Variants in EXOC6B observed in about 807,000 individuals in gnomAD.
EXOC6B encodes exocyst complex component 6B, also known as SEC15 homolog B.
Under a neutral mutation model 113.5 loss-of-function variants are expected in EXOC6B, and 54 were observed. The ratio of observed to expected loss-of-function variants is 0.48; its 90% CI spans 0.38 to 0.60. The LOEUF is 0.60. Ranked by LOEUF, EXOC6B falls within the 20% of genes least tolerant of loss-of-function variation. The pLI is 0.00. For synonymous variants in EXOC6B, 357 were observed against 339.0 expected (o/e 1.05, Z -0.58); for missense variants, 797 against 977.5 (o/e 0.82, Z 2.46).
chr2:72,312,017 A>G (rs1175797476), intron 20 of EXOC6B, among the ~76,000 whole-genome samples: 1 of 152,204 alleles, frequency 6.6e-6, no homozygotes, highest in African/African-American at 2.4e-5. Flanking sequence ...CGGTGCTGAT[A>G]CTTGGGGAGT....
chr2:72,643,061 A>C (rs1253374273), intron 6 of EXOC6B, among the ~76,000 whole-genome samples: 1 of 152,162 alleles, frequency 6.6e-6, no homozygotes, highest in Admixed American at 6.5e-5. Context: ...AACCACAATG[A>C]GATACCATCT....
intron 20 of EXOC6B, among the ~76,000 whole-genome samples, chr2:72,330,544 C>T (rs1171416178): frequency 6.6e-6 from 1 of 151,964 alleles, no homozygotes; most frequent in Non-Finnish European, 1.5e-5. Flanking sequence ...ATTTTCTTCC[C>T]TTAACAATGC....
intron 1 of EXOC6B, among the ~76,000 whole-genome samples, chr2:72,805,379 C>T (rs1030826518): frequency 3.3e-5 from 5 of 152,122 alleles, no homozygotes; most frequent in African/African-American, 1.2e-4. Context: ...ATCTGGTGCA[C>T]CTTTGTAGGC....
intron 20 of EXOC6B, among the ~76,000 whole-genome samples, chr2:72,256,799 T>A (rs1375111957): frequency 6.6e-6 from 1 of 152,208 alleles, no homozygotes; most frequent in Non-Finnish European, 1.5e-5. Flanking sequence ...CAGAGCTAGA[T>A]GATTACTGAA....
chr2:72,377,535 A>G (rs929877906), intron 19 of EXOC6B, among the ~76,000 whole-genome samples: 1 of 152,216 alleles, frequency 6.6e-6, no homozygotes, highest in African/African-American at 2.4e-5. Context: ...AGACTTTAAA[A>G]AGATGGAAAT....
Position 72,203,077 on chromosome 2 carries a change from C to G in EXOC6B, c.2197-18890G>C, listed in dbSNP as rs138007184. ...CTTGGTAGAGTATTCAGCATAGTGC[C>G]TGGCACAAACGTTCAGCAAATACTG... On this transcript the variant is annotated intron_variant, in intron 20 of 21. Coordinates refer to ENST00000272427, the MANE Select transcript of EXOC6B (RefSeq NM_015189.3). Among the ~76,000 whole-genome samples, 28 of 152,290 alleles carry G rather than the reference C, an allele frequency of 1.8e-4. No individual in the cohort carries two copies. In the East Asian group the frequency reaches 5.2e-3, roughly 28 times the overall value.
intron 6 of EXOC6B, among the ~76,000 whole-genome samples, chr2:72,699,262 G>A (rs902199313): frequency 1.3e-5 from 2 of 152,086 alleles, no homozygotes; most frequent in Non-Finnish European, 2.9e-5. Context: ...GGTGGATCAC[G>A]AGGTCAGGAG....
intron 17 of EXOC6B, among the ~76,000 whole-genome samples, chr2:72,466,986 A>G (rs1698095985): frequency 2.6e-5 from 4 of 152,116 alleles, no homozygotes; most frequent in Admixed American, 2.0e-4. Flanking sequence ...CTTTGACCAA[A>G]AACTCCCCAG....
intron 20 of EXOC6B, among the ~76,000 whole-genome samples, chr2:72,205,335 C>A (rs1357915789): frequency 6.7e-6 from 1 of 150,258 alleles, no homozygotes; most frequent in Admixed American, 6.6e-5. Flanking sequence ...ACATTTATTT[C>A]TATGATTCAC....
intron 19 of EXOC6B, among the ~76,000 whole-genome samples, chr2:72,344,703 G>A (rs368154934): frequency 3.9e-5 from 6 of 152,156 alleles, no homozygotes; most frequent in African/African-American, 1.4e-4. Context: ...CTGAGCAGAT[G>A]CCTTTCTCTG....
intron 20 of EXOC6B, among the ~76,000 whole-genome samples, chr2:72,212,305 G>A (rs990497484): frequency 1.3e-5 from 2 of 152,102 alleles, no homozygotes; most frequent in African/African-American, 4.8e-5. Flanking sequence ...TAGTTTCTTG[G>A]GGCAGGGCAG....
At chr2:72,260,806 C>T (rs766155140) in intron 20 of EXOC6B, among the ~76,000 whole-genome samples, 8 of 152,124 alleles carry the variant, frequency 5.3e-5, no homozygotes, top group Admixed American at 2.6e-4. Flanking sequence ...AGACTATCCA[C>T]CAAAACCGAG....
chr2:72,298,852 C>T (rs567869860), intron 20 of EXOC6B, among the ~76,000 whole-genome samples: 33 of 152,254 alleles, frequency 2.2e-4, no homozygotes, highest in African/African-American at 6.0e-4. Flanking sequence ...CAGAGAGATC[C>T]GCTGTTAGTC....
intron 14 of EXOC6B, among the ~76,000 whole-genome samples, 190 bp downstream of exon 14, chr2:72,496,264 A>T (rs1700029082): frequency 6.6e-6 from 1 of 152,218 alleles, no homozygotes; most frequent in African/African-American, 2.4e-5. Flanking sequence ...GGTCTTCCCC[A>T]AAAAGAATCC....
rs1199841154 is a variant in EXOC6B, at chr2:72,401,547, G to GTA, written c.1981-21679_1981-21678dup. Among the ~76,000 whole-genome samples the GTA allele has an allele frequency of 4.2e-3, 87 of 20,604 alleles. 5 individuals carry two copies. The highest frequency in any genetic ancestry group is 8.5e-3 in the South Asian group (7 of 820). 13.5% of individuals were successfully genotyped at this position (20,604 alleles called of 152,430 possible). On this transcript the variant is annotated intron_variant, in intron 18 of 21. Coordinates refer to ENST00000272427, the MANE Select transcript of EXOC6B (RefSeq NM_015189.3). ...TACATATATATATATATATATATGT[G>GTA]TATATATATATATATATACATATAT...
chr2:72,756,415 A>G (rs1426338480), intron 1 of EXOC6B, among the ~76,000 whole-genome samples: 1 of 152,196 alleles, frequency 6.6e-6, no homozygotes, highest in African/African-American at 2.4e-5. Flanking sequence ...GTTGTGATAT[A>G]TATTTCTGAG....
intron 19 of EXOC6B, among the ~76,000 whole-genome samples, chr2:72,336,755 C>A (rs1252481213): frequency 1.3e-5 from 2 of 151,948 alleles, no homozygotes; most frequent in Non-Finnish European, 1.5e-5. Context: ...GCCTGTAATC[C>A]CAGCACTTTG....
chr2:72,514,950 C>T, intron 9 of EXOC6B, 93 bp downstream of exon 9: 6 of 1,051,560 alleles, frequency 5.7e-6, no homozygotes, highest in Non-Finnish European at 8.0e-6. Flanking sequence ...AACACACACA[C>T]ACAGACACAC....
intron 11 of EXOC6B, among the ~76,000 whole-genome samples, chr2:72,501,659 TTA>T (rs1189829777): frequency 2.0e-5 from 3 of 151,566 alleles, no homozygotes; most frequent in Admixed American, 2.0e-4. Flanking sequence ...GGTTAATAAA[TTA>T]TATCCTTTTT....
Sources: gnomAD v4.1 joint callset for allele counts (sites outside exome capture counted in the v4.1 genomes callset) on GRCh38, gnomAD v4.1.1 for gene constraint, MANE v1.5 for transcripts, NCBI Gene and HGNC (gene_info 2026-07-23, HGNC 2026-07-21) for gene names.